Variants in RPS6KA2 observed in about 807,000 individuals in gnomAD.
The protein encoded by RPS6KA2 is ribosomal protein S6 kinase alpha-2.
In RPS6KA2, 42 loss-of-function variants were observed where a neutral mutation model predicts 91.8. The ratio of observed to expected loss-of-function variants is 0.46; its 90% CI spans 0.36 to 0.59. RPS6KA2 has a LOEUF of 0.59. Among genes scored for constraint, RPS6KA2 ranks in the 20% least tolerant of loss-of-function variants. RPS6KA2 has a pLI of 0.00. For missense variants in RPS6KA2, 798 were observed against 978.5 expected, an observed-to-expected ratio of 0.82 and a Z score of 2.46; for synonymous variants, 414 against 393.6, an observed-to-expected ratio of 1.05 and a Z score of -0.61.
At chr6:166,844,105 C>T (rs962476305) in intron 2 of RPS6KA2, among the ~76,000 whole-genome samples, 2 of 151,940 alleles carry the variant, frequency 1.3e-5, no homozygotes, top group Non-Finnish European at 2.9e-5. Flanking sequence ...ATCAAAGACA[C>T]ACTTAGAGAA....
At chr6:166,660,421 T>TGA (rs148446807) in intron 2 of RPS6KA2, among the ~76,000 whole-genome samples, 18 of 149,646 alleles carry the variant, frequency 1.2e-4, no homozygotes, top group South Asian at 4.3e-4. Context: ...TGTGTGTGTG[T>TGA]GAGAGAGAGA....
In RPS6KA2 at chr6:166,497,170, A is replaced by AT. The variant is rs528361209; in HGVS notation, c.747+1337dup. ...GGGGACTTAGCTCTGTGGTCTCCGC[A>AT]TGGAGAGGACCTGCTCCTTAGCCAG... On this transcript the variant is annotated intron_variant, in intron 8 of 20. Coordinates refer to ENST00000265678, the MANE Select transcript of RPS6KA2 (RefSeq NM_021135.6). Among the ~76,000 whole-genome samples, 183 of 152,352 alleles carry AT rather than the reference A, an allele frequency of 1.2e-3. 1 individual carries two copies. Among genetic ancestry groups the AT allele is most frequent in the Non-Finnish European group, 2.0e-3 (138 of 68,038 alleles).
At chr6:166,617,572 G>A (rs1013721965) in intron 1 of RPS6KA2, among the ~76,000 whole-genome samples, 4 of 152,140 alleles carry the variant, frequency 2.6e-5, no homozygotes, top group Non-Finnish European at 4.4e-5. Flanking sequence ...TTTGACTTAC[G>A]CGACGGTTTT....
chr6:166,695,174 C>G (rs1402319271), intron 2 of RPS6KA2, among the ~76,000 whole-genome samples: 1 of 152,098 alleles, frequency 6.6e-6, no homozygotes, highest in Non-Finnish European at 1.5e-5. Flanking sequence ...AGACTTGAAC[C>G]CAGGTTGGAG....
chr6:166,823,948 A>G (rs1271846618), intron 2 of RPS6KA2, among the ~76,000 whole-genome samples: 1 of 152,192 alleles, frequency 6.6e-6, no homozygotes, highest in East Asian at 1.9e-4. Context: ...GGCACAACCA[A>G]TTTGGAAAAA....
Position 166,435,271 on chromosome 6 carries a change from A to G in RPS6KA2, c.1333-2781T>C, listed in dbSNP as rs1779256639. 6.6e-6 allele frequency among the ~76,000 whole-genome samples: 1 copy of G among 152,206 alleles called. No individual in the cohort carries two copies. The highest frequency in any genetic ancestry group is 2.1e-4 in the South Asian group (1 of 4,828). On this transcript the variant is annotated intron_variant, in intron 14 of 20. Transcript: ENST00000265678. This position sits in a 1 kb window ranked among gnomAD's most constrained non-coding sequence, Gnocchi z 4.3. ...AAGTATTTGTAAACAGTTTTCAAAG[A>G]CAGATTACCTTAAACTCTTGCTTAC... is the stretch of plus-strand genomic sequence containing the variant.
chr6:166,427,740 T>G (rs1049022112), intron 16 of RPS6KA2, among the ~76,000 whole-genome samples: 1 of 152,074 alleles, frequency 6.6e-6, no homozygotes, highest in Admixed American at 6.6e-5. Flanking sequence ...GAATCCAACT[T>G]ACAAGGGACG....
chr6:166,523,856 C>T (rs369739641), intron 3 of RPS6KA2, among the ~76,000 whole-genome samples: 9 of 152,182 alleles, frequency 5.9e-5, no homozygotes, highest in African/African-American at 1.4e-4. Flanking sequence ...TGCAGCCAGG[C>T]GGGCTAACTC....
At chr6:166,759,347 G>A (rs1170460804) in intron 2 of RPS6KA2, among the ~76,000 whole-genome samples, 1 of 152,060 alleles carries the variant, frequency 6.6e-6, no homozygotes, top group African/African-American at 2.4e-5. Context: ...TAAGCAGAAC[G>A]GTCACACTTC....
intron 1 of RPS6KA2, among the ~76,000 whole-genome samples, chr6:166,573,761 G>A (rs1270334205): frequency 6.6e-6 from 1 of 152,208 alleles, no homozygotes; most frequent in Non-Finnish European, 1.5e-5. Context: ...TTGGCTGCGT[G>A]GTGAAACAGT....
At chr6:166,583,608 C>T (rs891197634) in intron 1 of RPS6KA2, among the ~76,000 whole-genome samples, 2 of 152,188 alleles carry the variant, frequency 1.3e-5, no homozygotes, top group African/African-American at 4.8e-5. Context: ...AATGTCTTCA[C>T]GTGACAGTTT....
rs957414823 is a variant in RPS6KA2, at chr6:166,603,382, G to C, written c.99+23539C>G. Among the ~76,000 whole-genome samples the C allele has an allele frequency of 6.6e-6, 1 of 152,168 alleles. No homozygotes were observed. The highest frequency in any genetic ancestry group is 1.5e-5 in the Non-Finnish European group (1 of 68,034). ...AGCGCAGCCTCAGAGTGCGTGGGGT[G>C]GGGCAGAGCTCTGGGAGGCCGAGTG... On this transcript the variant is annotated intron_variant, in intron 1 of 20. Coordinates refer to ENST00000265678, the MANE Select transcript of RPS6KA2 (RefSeq NM_021135.6). This position sits in a 1 kb window ranked among gnomAD's most constrained non-coding sequence, Gnocchi z 4.3.
chr6:166,415,851 C>T (rs558281183), intron 19 of RPS6KA2, among the ~76,000 whole-genome samples: 4 of 151,970 alleles, frequency 2.6e-5, no homozygotes, highest in Admixed American at 1.3e-4. Flanking sequence ...TCACCCTTAC[C>T]ATCATTCCTC....
At chr6:166,664,052 G>A (rs746807123) in intron 2 of RPS6KA2, among the ~76,000 whole-genome samples, 2 of 152,236 alleles carry the variant, frequency 1.3e-5, no homozygotes, top group Non-Finnish European at 2.9e-5. Context: ...TAAACATTAA[G>A]TGTCATAGAG....
chr6:166,719,626 T>C (rs1180705497), intron 2 of RPS6KA2, among the ~76,000 whole-genome samples: 2 of 152,260 alleles, frequency 1.3e-5, no homozygotes, highest in African/African-American at 4.8e-5. Flanking sequence ...TAACTCAGTG[T>C]TTGATCATGT....
At chr6:166,467,681 T>C (rs116134459) in intron 11 of RPS6KA2, among the ~76,000 whole-genome samples, 2,822 of 152,224 alleles carry the variant, frequency 0.019, 95 homozygotes, top group African/African-American at 0.064. Context: ...AGGGGTGAGG[T>C]GTGGCTGTCC....
chr6:166,737,713 T>C lies in RPS6KA2; in HGVS notation c.123+120487A>G, dbSNP rs1280221807. 2.0e-5 allele frequency among the ~76,000 whole-genome samples: 3 copies of C among 152,130 alleles called. No individual in the cohort carries two copies. Among genetic ancestry groups the C allele is most frequent in the Admixed American group, 2.0e-4 (3 of 15,276 alleles). Reference sequence around the variant, plus strand: ...TGGGCCATGGATCTAACTCCTGTGATGCTATAAAGGACTCTGGTGACGGTT... The same window carrying C: ...TGGGCCATGGATCTAACTCCTGTGACGCTATAAAGGACTCTGGTGACGGTT... On this transcript the variant is annotated intron_variant, in intron 2 of 21. Coordinates refer to the RPS6KA2 transcript ENST00000503859. This position sits in a 1 kb window ranked among gnomAD's most constrained non-coding sequence, Gnocchi z 4.3.
chr6:166,809,221 A>G (rs977592988), intron 2 of RPS6KA2, among the ~76,000 whole-genome samples: 2 of 152,188 alleles, frequency 1.3e-5, no homozygotes. Context: ...TGGAAGGCTA[A>G]AGGCCTGCAA....
chr6:166,567,681 G>A (rs918530503), intron 1 of RPS6KA2, among the ~76,000 whole-genome samples: 2 of 152,122 alleles, frequency 1.3e-5, no homozygotes, highest in Non-Finnish European at 2.9e-5. Flanking sequence ...ACTGAGCTGG[G>A]GTTTCGAACA....
Sources: allele counts gnomAD v4.1 joint callset (sites outside exome capture counted in the v4.1 genomes callset), GRCh38; gene constraint gnomAD v4.1.1; non-coding constraint Gnocchi (gnomAD v3.1); transcripts MANE v1.5; gene names NCBI Gene and HGNC (gene_info 2026-07-23, HGNC 2026-07-21).